Variants in COPZ2 observed in about 807,000 individuals in gnomAD.
COPZ2 encodes the protein coatomer subunit zeta-2.
In COPZ2, 30 loss-of-function variants were observed where a neutral mutation model predicts 33.2. The ratio of observed to expected loss-of-function variants is 0.90; its 90% CI spans 0.68 to 1.23. COPZ2 has a LOEUF of 1.23. Among genes scored for constraint, COPZ2 ranks in the 50% most tolerant of loss-of-function variants. The pLI is 0.00. For missense variants in COPZ2, 263 were observed against 262.4 expected, an observed-to-expected ratio of 1.00 and a Z score of -0.02; for synonymous variants, 89 against 102.6, an observed-to-expected ratio of 0.87 and a Z score of 0.80.
At chr17:48,037,972 T>C (rs2037020027), upstream of COPZ2, 12 of 573,510 alleles carry the variant, frequency 2.1e-5, no homozygotes, top group Non-Finnish European at 2.6e-5. The surrounding 1 kb of genome is among the most constrained non-coding windows in gnomAD (Gnocchi z 5.6). Context: ...TCTCCCTCTC[T>C]CCTCCTTGGC....
chr17:48,027,268 T>C (rs2036830359), intron 8 of COPZ2, among the ~76,000 whole-genome samples: 1 of 152,230 alleles, frequency 6.6e-6, no homozygotes, highest in Non-Finnish European at 1.5e-5. Context: ...AAGAATTCCA[T>C]CAAAAATGCT....
At chr17:48,032,314 T>G in intron 5 of COPZ2, 81 bp from the exon 6 acceptor site, 1 of 1,187,798 alleles carries the variant, frequency 8.4e-7, no homozygotes, top group Non-Finnish European at 1.2e-6. Flanking sequence ...GACCCCACTC[T>G]CCAAAGACTG....
chr17:48,029,549 G>A, intron 6 of COPZ2: 1 of 304,588 alleles, frequency 3.3e-6, no homozygotes, highest in Non-Finnish European at 5.9e-6. Flanking sequence ...AAAGAGTTAG[G>A]AAGAGAGGCC....
chr17:48,041,982 G>C (rs2037066808), upstream of COPZ2, among the ~76,000 whole-genome samples: 1 of 152,032 alleles, frequency 6.6e-6, no homozygotes, highest in African/African-American at 2.4e-5. Flanking sequence ...CATAGGGGAG[G>C]TGGGGAAGGA....
upstream of COPZ2, among the ~76,000 whole-genome samples, chr17:48,041,631 C>G (rs748147118): frequency 2.0e-5 from 3 of 152,156 alleles, no homozygotes; most frequent in Non-Finnish European, 2.9e-5. Flanking sequence ...TAATAGGGAA[C>G]ATAATGACAC....
Position 48,028,197 on chromosome 17 carries a change from G to C in COPZ2, c.585+275C>G, listed in dbSNP as rs548750555. ...TCTCCAAGGTAGGCAGCTCATCCTA[G>C]TTTCAATCCAACTAAACCAAGCCAG... On this transcript the variant is annotated intron_variant, in intron 8 of 8. Transcript: ENST00000621465. This position sits in a 1 kb window ranked among gnomAD's most constrained non-coding sequence, Gnocchi z 4.5. Among the ~76,000 whole-genome samples, 2 of 152,290 alleles carry C rather than the reference G, an allele frequency of 1.3e-5. No homozygotes were observed. Among genetic ancestry groups the C allele is most frequent in the African/African-American group, 4.8e-5 (2 of 41,558 alleles).
In COPZ2 at chr17:48,026,310, G is replaced by A; in HGVS notation, c.*118C>T. On this transcript the variant is annotated 3_prime_UTR_variant, in exon 9 of 9. Coordinates refer to ENST00000621465, the MANE Select transcript of COPZ2 (RefSeq NM_016429.4). ...GAAGCCCTGGCTGGAGACCTTAGGA[G>A]TCAGTTCTGGGAGGGACCTGGGGAT... is the stretch of plus-strand genomic sequence containing the variant. The A allele has an allele frequency of 1.3e-6, 1 of 774,988 alleles. No homozygotes were observed. Among genetic ancestry groups the A allele is most frequent in the Non-Finnish European group, 2.1e-6 (1 of 466,300 alleles). The allele number at this position is 774,988 out of a possible 1,614,324, so 48.0% of individuals were successfully genotyped here.
chr17:48,027,121 T>C (rs2036828521), intron 8 of COPZ2, among the ~76,000 whole-genome samples: 1 of 152,244 alleles, frequency 6.6e-6, no homozygotes, highest in African/African-American at 2.4e-5. Context: ...GGGAACGCTG[T>C]GTCTCCTCCT....
intron 2 of COPZ2, among the ~76,000 whole-genome samples, chr17:48,034,765 C>T (rs1307786205): frequency 6.6e-6 from 1 of 152,010 alleles, no homozygotes; most frequent in Admixed American, 6.6e-5. Flanking sequence ...GGTGGATCAC[C>T]TGAGGTCAGG....
At chr17:48,033,142 C>G (rs1355135425) in intron 4 of COPZ2, 69 bp downstream of exon 4, 1 of 1,118,528 alleles carries the variant, frequency 8.9e-7, no homozygotes, top group Non-Finnish European at 1.3e-6. Flanking sequence ...CAGCCTCAAG[C>G]CCAGATTCCA....
At position 48,028,433 on chromosome 17, in the gene COPZ2, T is replaced by C. The variant is rs2036845612; in HGVS notation, c.585+39A>G. ...GGATGCTCTGCTCCCCGTATCTCTC[T>C]AGACCATTTCTAGCCAAGGCAGATG... On this transcript the variant is annotated intron_variant, in intron 8 of 8. Coordinates refer to ENST00000621465, the MANE Select transcript of COPZ2 (RefSeq NM_016429.4). The surrounding 1 kb of genome is among the most constrained non-coding windows in gnomAD (Gnocchi z 4.5). The C allele has an allele frequency of 6.3e-7, 1 of 1,599,146 alleles. No homozygotes were observed. The highest frequency in any genetic ancestry group is 1.3e-5 in the African/African-American group (1 of 74,674).
chr17:48,032,812 G>T, intron 4 of COPZ2, 71 bp from the exon 5 acceptor site: 2 of 1,270,578 alleles, frequency 1.6e-6, no homozygotes, highest in Admixed American at 4.0e-5. Context: ...AGCACTTGGA[G>T]CCCACCTGTG....
In COPZ2 at chr17:48,028,048, C is replaced by A. The variant is rs567443661; in HGVS notation, c.585+424G>T. On this transcript the variant is annotated intron_variant, in intron 8 of 8. Coordinates refer to ENST00000621465, the MANE Select transcript of COPZ2 (RefSeq NM_016429.4). The surrounding 1 kb of genome is among the most constrained non-coding windows in gnomAD (Gnocchi z 4.5). ...AGTCCCTTAACAATCCCAGTGTGCA[C>A]CCTAAGTGGCAAGGACAGGGGTTAA... 7.2e-5 allele frequency among the ~76,000 whole-genome samples: 11 copies of A among 152,268 alleles called. No individual in the cohort carries two copies. The highest frequency in any genetic ancestry group is 3.9e-4 in the Admixed American group (6 of 15,300).
intron 2 of COPZ2, 110 bp downstream of exon 2, chr17:48,036,741 G>A: frequency 1.1e-6 from 1 of 945,768 alleles, no homozygotes; most frequent in Non-Finnish European, 1.7e-6. Flanking sequence ...CCTCTGGAGG[G>A]GTCTAAGCTG....
In COPZ2 at chr17:48,036,989, G is replaced by A. The variant is rs1301765106; in HGVS notation, c.112-64C>T. The A allele has an allele frequency of 7.9e-6, 11 of 1,398,414 alleles. No individual in the cohort carries two copies. The Admixed American group carries it at 1.7e-4, about 22-fold the overall frequency. 86.6% of individuals were successfully genotyped at this position (1,398,414 alleles called of 1,614,324 possible). Reference sequence around the variant, plus strand: ...CGAGGTGGACACCCTGTGTCTATGGGATCTGCTGGCCCTAGGATACATCCT... The same window carrying A: ...CGAGGTGGACACCCTGTGTCTATGGAATCTGCTGGCCCTAGGATACATCCT... On this transcript the variant is annotated intron_variant, in intron 1 of 8. Coordinates refer to ENST00000621465, the MANE Select transcript of COPZ2 (RefSeq NM_016429.4).
At chr17:48,034,094 C>T (rs1042795590) in intron 2 of COPZ2, 150 bp from the exon 3 acceptor site, 3 of 598,756 alleles carry the variant, frequency 5.0e-6, no homozygotes, top group Non-Finnish European at 9.1e-6. Context: ...CCTGCAGGCT[C>T]ATTACTTCCT....
chr17:48,041,566 C>A (rs1473269222), upstream of COPZ2, among the ~76,000 whole-genome samples: 2 of 152,192 alleles, frequency 1.3e-5, no homozygotes, highest in African/African-American at 4.8e-5. Flanking sequence ...TACTGACCCT[C>A]CCTATATGAT....
chr17:48,047,281 C>T, the COPZ2 span: 2 of 152,158 alleles, frequency 1.3e-5, no homozygotes, highest in African/African-American at 4.8e-5. Context: ...GGGAGGAACG[C>T]ATTGCAAACG....
chr17:48,032,435 C>T (rs1039061648), intron 5 of COPZ2, among the ~76,000 whole-genome samples: 2 of 152,196 alleles, frequency 1.3e-5, no homozygotes, highest in Non-Finnish European at 2.9e-5. Context: ...TTCCTTACAC[C>T]CTACCTTGTC....
Sources: allele counts gnomAD v4.1 joint callset (sites outside exome capture counted in the v4.1 genomes callset), GRCh38; gene constraint gnomAD v4.1.1; non-coding constraint Gnocchi (gnomAD v3.1); transcripts MANE v1.5; gene names NCBI Gene and HGNC (gene_info 2026-07-23, HGNC 2026-07-21).